The following ADGRV1 variants were observed in gnomAD, a reference collection of about 807,000 sequenced individuals.
ADGRV1 encodes the protein adhesion G protein-coupled receptor V1.
Under a neutral mutation model 596.2 loss-of-function variants are expected in ADGRV1, and 359 were observed. The ratio of observed to expected loss-of-function variants is 0.60; its 90% CI spans 0.55 to 0.66. The LOEUF (loss-of-function observed/expected upper bound fraction) is 0.66. ADGRV1 is among the 30% of genes least tolerant of loss of function. The pLI is 0.00. For missense variants in ADGRV1, 7,274 were observed against 7,575.6 expected, an observed-to-expected ratio of 0.96 and a Z score of 1.48; for synonymous variants, 2,681 against 2,679.2, an observed-to-expected ratio of 1.00 and a Z score of -0.02.
chr5:90,827,483 A>G (rs1348294142), intron 76 of ADGRV1, among the ~76,000 whole-genome samples: 1 of 152,208 alleles, frequency 6.6e-6, no homozygotes, highest in Middle Eastern at 3.2e-3. Context: ...GGCTATAAGT[A>G]TGTTCTAATC....
At chr5:90,764,075 T>C (rs936924236) in intron 59 of ADGRV1, among the ~76,000 whole-genome samples, 5 of 152,162 alleles carry the variant, frequency 3.3e-5, no homozygotes, top group African/African-American at 1.2e-4. Flanking sequence ...TTGGGGTCTC[T>C]TGGGGAGTGA....
intron 85 of ADGRV1, among the ~76,000 whole-genome samples, chr5:91,051,833 T>C (rs1786362512): frequency 6.6e-6 from 1 of 152,190 alleles, no homozygotes; most frequent in South Asian, 2.1e-4. Context: ...ATATTTGGCA[T>C]CCTTGTTTAT....
In ADGRV1 at chr5:90,716,695, G is replaced by A; in HGVS notation, c.9413G>A (p.Gly3138Asp). ...TCTAAAGATCTGACTCCTTCCAAAGGCTATATTGTTTTAGAAGAAGGTGTT... is the reference window on the plus strand; with the variant it reads ...TCTAAAGATCTGACTCCTTCCAAAGACTATATTGTTTTAGAAGAAGGTGTT... ...NESKDLTPSK[G>D]YIVLEEGVRF... Residue 3138 changes from glycine (G) to aspartate (D), a missense_variant, in exon 43 of 90, where the codon GGC becomes GAC. Physicochemically the swap from Gly to Asp is moderately conservative, Grantham distance 94. Coordinates refer to ENST00000405460, the MANE Select transcript of ADGRV1 (RefSeq NM_032119.4). 1 of 1,612,726 alleles carries A rather than the reference G, an allele frequency of 6.2e-7. No homozygotes were observed.
intron 83 of ADGRV1, among the ~76,000 whole-genome samples, chr5:90,916,667 C>G (rs1773391402): frequency 1.6e-5 from 2 of 125,756 alleles, no homozygotes; most frequent in South Asian, 5.1e-4. Context: ...GAGTCTCGCT[C>G]TGTCGCCCAG....
chr5:90,837,059 G>A (rs572631160), intron 77 of ADGRV1, among the ~76,000 whole-genome samples: 1 of 152,180 alleles, frequency 6.6e-6, no homozygotes, highest in African/African-American at 2.4e-5. Context: ...GATACCCTTT[G>A]GTAGACCAGC....
At chr5:90,876,479 C>T (rs931271050) in intron 83 of ADGRV1, among the ~76,000 whole-genome samples, 1 of 152,140 alleles carries the variant, frequency 6.6e-6, no homozygotes, top group Non-Finnish European at 1.5e-5. Context: ...AGATTAACCC[C>T]AGGAAGCCAG....
chr5:90,712,584 T>C (rs559584986), intron 42 of ADGRV1, among the ~76,000 whole-genome samples, 156 bp downstream of exon 42: 1 of 152,314 alleles, frequency 6.6e-6, no homozygotes, highest in African/African-American at 2.4e-5. Context: ...TGTGTCTGTG[T>C]AACAGTGCCT....
In ADGRV1 at chr5:90,810,293, A is replaced by C. The variant is rs1029992519; in HGVS notation, c.15033A>C (p.Ser5011=). The C allele has an allele frequency of 7.5e-6, 12 of 1,604,482 alleles. No individual in the cohort carries two copies. The highest frequency in any genetic ancestry group is 1.7e-5 in the Admixed American group (1 of 58,364). Residue 5011 remains serine (S), a synonymous_variant, in exon 74 of 90, where the codon TCA becomes TCC. Transcript: ENST00000405460. ...GCGTCTTCCAATTTTCCACTAGCTCAAGAAATATCATAGTGTCAGAAGATA... is the reference window on the plus strand; with the variant it reads ...GCGTCTTCCAATTTTCCACTAGCTCCAGAAATATCATAGTGTCAGAAGATA... ...PMGVFQFSTS[S]RNIIVSEDTQ...
chr5:91,150,215 G>A lies in ADGRV1; in HGVS notation c.18618G>A (p.Met6206Ile). The stretch of plus-strand genomic sequence containing the variant: ...CCACCCAGAATCTCATCGGTGCTAT[G>A]GAGGAGGTGTCTGCCCTTGCCCTTT... ...SKSTQNLIGA[M>I]EEVPPDWERA... Residue 6206 changes from methionine to isoleucine, a missense_variant, in exon 88 of 90, where the codon ATG becomes ATA. Physicochemically the swap from Met to Ile is conservative, Grantham distance 10. Around this residue, in one of 5 missense-constraint regions of ADGRV1, gnomAD observed 1,874 missense variants for 1,970.2 expected, o/e 0.95. Transcript: ENST00000405460. 2.6e-6 allele frequency: 4 copies of A among 1,561,572 alleles called. No individual in the cohort carries two copies. The highest frequency in any genetic ancestry group is 3.5e-6 in the Non-Finnish European group (4 of 1,154,034).
chr5:90,774,257 C>T lies in ADGRV1; in HGVS notation c.12357C>T (p.Thr4119=), dbSNP rs768904791. ...DTVLEEDRRF[T]IQLISIDEVE... is the part of the protein sequence containing the mutation. ...TGTTGGAGGAGGACAGGCGTTTCAC[C>T]ATTCAGCTGATATCAATTGATGAGG... The change falls in exon 60 of 90, where the codon ACC becomes ACT. Residue 4119 remains threonine, a synonymous_variant. Transcript: ENST00000405460. 22 of 1,608,968 alleles carry T rather than the reference C, an allele frequency of 1.4e-5. No individual in the cohort carries two copies. Among genetic ancestry groups the T allele is most frequent in the Non-Finnish European group, 1.9e-5 (22 of 1,175,610 alleles).
intron 67 of ADGRV1, among the ~76,000 whole-genome samples, chr5:90,785,143 AAGC>A (rs1581116027): frequency 6.6e-6 from 1 of 152,160 alleles, no homozygotes; most frequent in African/African-American, 2.4e-5. Context: ...TGACAAAAAC[AAGC>A]AATGGGGAAA....
In ADGRV1 at chr5:90,848,619, C is replaced by T. The variant is rs1766153331; in HGVS notation, c.17020-18C>T. ...TTATTTTTATAGATATATTTTTATA[C>T]TTAGATTCTTTTTCCAGATAACTAC... On this transcript the variant is annotated intron_variant, in intron 78 of 89. Coordinates refer to ENST00000405460, the MANE Select transcript of ADGRV1 (RefSeq NM_032119.4). The T allele has an allele frequency of 1.4e-6, 2 of 1,386,642 alleles. No individual in the cohort carries two copies. The highest frequency in any genetic ancestry group is 2.7e-5 in the East Asian group (1 of 36,688). The allele number at this position is 1,386,642 out of a possible 1,614,324, so 85.9% of individuals were successfully genotyped here.
At chr5:90,734,194 A>G (rs1752924534) in intron 50 of ADGRV1, among the ~76,000 whole-genome samples, 1 of 152,156 alleles carries the variant, frequency 6.6e-6, no homozygotes. Context: ...TTGAGTTCAC[A>G]TTTTGGCTAT....
chr5:90,769,479 T>C (rs1757468444), intron 59 of ADGRV1, among the ~76,000 whole-genome samples: 1 of 152,164 alleles, frequency 6.6e-6, no homozygotes, highest in Admixed American at 6.6e-5. Context: ...GAAAGAAATA[T>C]ACAGAGAACA....
intron 85 of ADGRV1, among the ~76,000 whole-genome samples, chr5:91,061,535 TA>T (rs1275808470): frequency 6.6e-6 from 1 of 152,222 alleles, no homozygotes; most frequent in Non-Finnish European, 1.5e-5. Context: ...GGTGGTATTT[TA>T]ATGTAGCCAG....
chr5:90,773,345 T>C (rs75083517), intron 59 of ADGRV1, among the ~76,000 whole-genome samples: 1,779 of 151,996 alleles, frequency 0.012, 36 homozygotes, highest in African/African-American at 0.041. Context: ...GAATAAATTA[T>C]AATAAAAGAC....
chr5:90,831,288 C>T (rs1764503990), intron 77 of ADGRV1, among the ~76,000 whole-genome samples: 1 of 151,808 alleles, frequency 6.6e-6, no homozygotes, highest in African/African-American at 2.4e-5. Context: ...TATACACACA[C>T]ACACACACAC....
At chr5:90,693,785 A>T in intron 32 of ADGRV1, 105 bp from the exon 33 acceptor site, 1 of 836,724 alleles carries the variant, frequency 1.2e-6, no homozygotes, top group Non-Finnish European at 1.8e-6. Flanking sequence ...CTATGACTTT[A>T]AACATTTTTT....
chr5:91,102,450 C>T, intron 87 of ADGRV1, 110 bp downstream of exon 87: 1 of 870,374 alleles, frequency 1.1e-6, no homozygotes, highest in Non-Finnish European at 1.7e-6. Flanking sequence ...AATTTGTGTA[C>T]ATAATAACAT....
Sources: allele counts gnomAD v4.1 joint callset (sites outside exome capture counted in the v4.1 genomes callset), GRCh38; gene constraint gnomAD v4.1.1; regional missense constraint gnomAD v4.1.1; transcripts MANE v1.5; gene names NCBI Gene and HGNC (gene_info 2026-07-23, HGNC 2026-07-21).